The following HS3ST4 variants were observed in gnomAD, a reference collection of about 807,000 sequenced individuals.
HS3ST4 encodes the protein heparan sulfate glucosamine 3-O-sulfotransferase 4.
Under a neutral mutation model 29.2 loss-of-function variants are expected in HS3ST4, and 17 were observed. The observed-to-expected ratio is 0.58, with a 90% confidence interval of 0.40 to 0.87. The LOEUF (loss-of-function observed/expected upper bound fraction) is 0.87. Ranked by LOEUF, HS3ST4 falls within the 40% of genes least tolerant of loss-of-function variation. HS3ST4 has a pLI of 0.00. For missense variants in HS3ST4, 627 were observed against 634.5 expected (o/e 0.99, Z 0.13); for synonymous variants, 314 against 285.7 (o/e 1.10, Z -1.00).
chr16:25,711,807 T>A lies in HS3ST4; in HGVS notation c.734+18656T>A, dbSNP rs556829426. On this transcript the variant is annotated intron_variant, in intron 1 of 1. Transcript: ENST00000331351. ...GTCTGAGTTTATTTATTGCTTCATT[T>A]TTTCCTGTACTATCAGGGCCGATTT... Among the ~76,000 whole-genome samples, 16 of 152,248 alleles carry A rather than the reference T, an allele frequency of 1.1e-4. No homozygotes were observed. In the South Asian group the frequency reaches 3.1e-3, roughly 30 times the overall value.
chr16:25,897,165 A>G (rs982696719), intron 1 of HS3ST4, among the ~76,000 whole-genome samples: 1 of 152,166 alleles, frequency 6.6e-6, no homozygotes, highest in Admixed American at 6.5e-5. Flanking sequence ...GTTGAAAAAA[A>G]TACTGGGGGC....
chr16:25,817,474 A>G (rs1171257067), intron 1 of HS3ST4, among the ~76,000 whole-genome samples: 3 of 152,192 alleles, frequency 2.0e-5, no homozygotes, highest in Non-Finnish European at 2.9e-5. Flanking sequence ...ATGAATGAAT[A>G]TGTCTGTGTT....
chr16:25,738,249 G>A (rs1966625319), intron 1 of HS3ST4, among the ~76,000 whole-genome samples: 1 of 152,090 alleles, frequency 6.6e-6, no homozygotes, highest in African/African-American at 2.4e-5. Context: ...TCTCCTACGG[G>A]AAGTTTTCCT....
At chr16:26,105,207 C>A (rs1003721129) in intron 1 of HS3ST4, among the ~76,000 whole-genome samples, 4 of 152,054 alleles carry the variant, frequency 2.6e-5, no homozygotes, top group African/African-American at 9.7e-5. Flanking sequence ...AATATGAATG[C>A]AACTGGAAAC....
chr16:26,032,634 C>A, intron 1 of HS3ST4: 1 of 1,403,926 alleles, frequency 7.1e-7, no homozygotes, highest in Non-Finnish European at 1.0e-6. Context: ...CCAGCATCAG[C>A]TTTTCCCTTT....
Position 26,135,837 on chromosome 16 carries a change from C to G in HS3ST4, c.960C>G (p.Thr320=). 1.9e-6 allele frequency: 3 copies of G among 1,613,988 alleles called. No homozygotes were observed. The highest frequency in any genetic ancestry group is 2.5e-6 in the Non-Finnish European group (3 of 1,179,890). ...AGGTGCTGGCCTTCAAAAACCGGACCCTCGGGCTGATCGATGCTTCCTGGA... is the reference window on the plus strand; with the variant it reads ...AGGTGCTGGCCTTCAAAAACCGGACGCTCGGGCTGATCGATGCTTCCTGGA... ...TFEVLAFKNR[T]LGLIDASWSA... is the part of the protein sequence containing the mutation. The change falls in exon 2 of 2, where the codon ACC becomes ACG. Residue 320 remains threonine (T), a synonymous_variant. Coordinates refer to ENST00000331351, the MANE Select transcript of HS3ST4 (RefSeq NM_006040.3).
At chr16:25,856,339 C>T (rs1967573647) in intron 1 of HS3ST4, among the ~76,000 whole-genome samples, 1 of 152,138 alleles carries the variant, frequency 6.6e-6, no homozygotes, top group East Asian at 1.9e-4. Flanking sequence ...AACTTTCATC[C>T]CCACCCTCCA....
chr16:26,012,477 G>C (rs938755417), intron 1 of HS3ST4, among the ~76,000 whole-genome samples: 2 of 152,138 alleles, frequency 1.3e-5, no homozygotes, highest in Non-Finnish European at 2.9e-5. Context: ...TGCTTCTGTA[G>C]CTTTTGTTTC....
At chr16:26,052,620 C>T (rs1199541407) in intron 1 of HS3ST4, among the ~76,000 whole-genome samples, 1 of 152,214 alleles carries the variant, frequency 6.6e-6, no homozygotes, top group Non-Finnish European at 1.5e-5. Flanking sequence ...ATCCGCCTGC[C>T]TCAGCCTCCC....
At chr16:25,883,653 C>G (rs193057971) in intron 1 of HS3ST4, among the ~76,000 whole-genome samples, 3 of 152,220 alleles carry the variant, frequency 2.0e-5, no homozygotes, top group Admixed American at 2.0e-4. Context: ...GAATGAGTAA[C>G]CATGGTGTGG....
At chr16:25,794,924 CACACACACACACACAT>C (rs779135211) in intron 1 of HS3ST4, among the ~76,000 whole-genome samples, 10 of 116,700 alleles carry the variant, frequency 8.6e-5, no homozygotes, top group South Asian at 5.0e-4. Flanking sequence ...CACACACACA[CACACACACACACACAT>C]ATATATTCAT....
At chr16:25,808,433 G>T (rs1191701856) in intron 1 of HS3ST4, among the ~76,000 whole-genome samples, 1 of 152,124 alleles carries the variant, frequency 6.6e-6, no homozygotes, top group Non-Finnish European at 1.5e-5. Context: ...AAAAATTTGT[G>T]TGGGTGTATT....
rs532282355 is a variant in HS3ST4, at chr16:25,772,425, C to T, written c.734+79274C>T. Reference sequence around the variant, plus strand: ...ATTCTGTGTTTATGCTGTGTGATCCCGGGTAAGTTACAGAGCCTCTCTGAT... The same window carrying T: ...ATTCTGTGTTTATGCTGTGTGATCCTGGGTAAGTTACAGAGCCTCTCTGAT... On this transcript the variant is annotated intron_variant, in intron 1 of 1. Coordinates refer to ENST00000331351, the MANE Select transcript of HS3ST4 (RefSeq NM_006040.3). Among the ~76,000 whole-genome samples, 7 of 152,192 alleles carry T rather than the reference C, an allele frequency of 4.6e-5. No homozygotes were observed. In the East Asian group the frequency reaches 5.8e-4, roughly 13 times the overall value.
chr16:25,799,835 C>G (rs13337217), intron 1 of HS3ST4, among the ~76,000 whole-genome samples: 1 of 152,148 alleles, frequency 6.6e-6, no homozygotes, highest in South Asian at 2.1e-4. Context: ...TATGTATCTA[C>G]CCATCTATCT....
At chr16:26,075,675 C>G (rs1898653634) in intron 1 of HS3ST4, among the ~76,000 whole-genome samples, 1 of 152,190 alleles carries the variant, frequency 6.6e-6, no homozygotes, top group Non-Finnish European at 1.5e-5. Context: ...CTTTTCTCAG[C>G]TGGCTGGGGT....
At chr16:26,107,205 G>A (rs988805098) in intron 1 of HS3ST4, among the ~76,000 whole-genome samples, 1 of 151,726 alleles carries the variant, frequency 6.6e-6, no homozygotes, top group Non-Finnish European at 1.5e-5. Context: ...ACGTATATAT[G>A]GAATTAAAGA....
At position 25,811,422 on chromosome 16, in the gene HS3ST4, CTTTTTTTTTTTTTCTTTTTTT is replaced by C. The variant is rs912055283; in HGVS notation, c.734+118279_734+118299del. Among the ~76,000 whole-genome samples the C allele has an allele frequency of 1.5e-3, 188 of 129,074 alleles. 1 individual carries two copies. Among genetic ancestry groups the C allele is most frequent in the Non-Finnish European group, 5.2e-4 (33 of 63,536 alleles). The allele number at this position is 129,074 out of a possible 152,430, so 84.7% of individuals were successfully genotyped here. On this transcript the variant is annotated intron_variant, in intron 1 of 1. Transcript: ENST00000331351. ...ACTTTCTTAATAACATTTTCTTCTTCTTTTTTTTTTTTTCTTTTTTTTTTTTTTGAGATGGAGTTTCGCTCT... is the reference window on the plus strand; with the variant it reads ...ACTTTCTTAATAACATTTTCTTCTTCTTTTTTTGAGATGGAGTTTCGCTCT...
chr16:26,051,886 CT>C, intron 1 of HS3ST4, among the ~76,000 whole-genome samples: 1 of 113,238 alleles, frequency 8.8e-6, no homozygotes, highest in African/African-American at 4.1e-5. Flanking sequence ...CCCTGCCTCC[CT>C]CCCTCCCTCC....
At chr16:25,964,099 C>T (rs994688511) in intron 1 of HS3ST4, among the ~76,000 whole-genome samples, 6 of 151,430 alleles carry the variant, frequency 4.0e-5, no homozygotes, top group African/African-American at 1.2e-4. Flanking sequence ...CACTTGAACC[C>T]GGGAAGAGGA....
Sources: gnomAD v4.1 joint callset for allele counts (sites outside exome capture counted in the v4.1 genomes callset) on GRCh38, gnomAD v4.1.1 for gene constraint, MANE v1.5 for transcripts, NCBI Gene and HGNC (gene_info 2026-07-23, HGNC 2026-07-21) for gene names.